The following LURAP1L variants were observed in gnomAD, a reference collection of about 807,000 sequenced individuals.
The protein encoded by LURAP1L is leucine rich adaptor protein 1-like.
LURAP1L carries 12 observed loss-of-function variants against 13.8 expected under a neutral mutation model. That is an observed-to-expected ratio of 0.87 (90% CI 0.56 to 1.41). The LOEUF is 1.41. Ranked by LOEUF, LURAP1L falls within the 40% of genes most tolerant of loss-of-function variation. The probability of loss-of-function intolerance (pLI) is 0.00; values close to 1 mark genes in which losing one functional copy is unlikely to be tolerated. For synonymous variants in LURAP1L, 139 were observed against 119.2 expected (o/e 1.17, Z -1.08); for missense variants, 375 against 292.9 (o/e 1.28, Z -2.04).
rs187088030 is a variant in LURAP1L, at chr9:12,799,716, T to C, written c.313-21670T>C. Among the ~76,000 whole-genome samples, 348 of 152,030 alleles carry C rather than the reference T, an allele frequency of 2.3e-3. 1 individual carries two copies. Among genetic ancestry groups the C allele is most frequent in the African/African-American group, 8.2e-3 (341 of 41,480 alleles). On this transcript the variant is annotated intron_variant, in intron 1 of 1. Transcript: ENST00000319264. Reference sequence around the variant, plus strand: ...TAACATGGTGAAACCTCATCTCTACTAAAAATACAAAAATTAGCCAGGTGG... The same window carrying C: ...TAACATGGTGAAACCTCATCTCTACCAAAAATACAAAAATTAGCCAGGTGG...
chr9:12,799,351 T>A (rs768147260), intron 1 of LURAP1L, among the ~76,000 whole-genome samples: 3 of 152,196 alleles, frequency 2.0e-5, no homozygotes, highest in Non-Finnish European at 4.4e-5. Context: ...CAGTTTTCAA[T>A]GCACATATGT....
intron 1 of LURAP1L, among the ~76,000 whole-genome samples, chr9:12,804,671 T>G (rs1166445102): frequency 1.3e-5 from 2 of 152,056 alleles, no homozygotes; most frequent in African/African-American, 2.4e-5. Flanking sequence ...TCAAAAAAAT[T>G]TTTTTTTAAA....
chr9:12,787,968 C>T (rs1001362525), intron 1 of LURAP1L, among the ~76,000 whole-genome samples: 6 of 151,626 alleles, frequency 4.0e-5, no homozygotes, highest in Non-Finnish European at 8.8e-5. Context: ...AAAAATTAGC[C>T]GGGTGTGGTG....
intron 1 of LURAP1L, among the ~76,000 whole-genome samples, chr9:12,804,549 G>T (rs1327084996): frequency 3.3e-5 from 5 of 151,882 alleles, no homozygotes; most frequent in African/African-American, 9.7e-5. Flanking sequence ...CACTATGTTG[G>T]CCAGGCTGGT....
intron 1 of LURAP1L, chr9:12,814,429 G>T (rs1183210113): frequency 6.6e-6 from 1 of 152,156 alleles, no homozygotes; most frequent in African/African-American, 2.4e-5. Context: ...GATTGCATCA[G>T]CCTAAATTAC....
At chr9:12,819,366 T>C (rs1351171176) in intron 1 of LURAP1L, among the ~76,000 whole-genome samples, 1 of 152,240 alleles carries the variant, frequency 6.6e-6, no homozygotes, top group Non-Finnish European at 1.5e-5. Context: ...TCTCTTGCAG[T>C]TATTAATGGA....
chr9:12,805,583 CA>C, intron 1 of LURAP1L, among the ~76,000 whole-genome samples: 1 of 152,000 alleles, frequency 6.6e-6, no homozygotes, highest in East Asian at 1.9e-4. Context: ...AATAGACACA[CA>C]AAAAATATGG....
chr9:12,798,167 G>C (rs986094314), intron 1 of LURAP1L, among the ~76,000 whole-genome samples: 2 of 152,102 alleles, frequency 1.3e-5, no homozygotes, highest in South Asian at 4.1e-4. Flanking sequence ...TGTAATATTA[G>C]GATAGGGCAG....
At chr9:12,777,342 G>T (rs41314571) in intron 1 of LURAP1L, 24,519 of 985,244 alleles carry the variant, frequency 0.025, 334 homozygotes, top group Middle Eastern at 0.045. Flanking sequence ...GCCTGATACC[G>T]TATCACAAAG....
chr9:12,781,860 T>C (rs1157162874), intron 1 of LURAP1L, among the ~76,000 whole-genome samples: 2 of 152,220 alleles, frequency 1.3e-5, no homozygotes, highest in Non-Finnish European at 2.9e-5. Flanking sequence ...GCTATGCTAA[T>C]GTACATTCCC....
intron 1 of LURAP1L, among the ~76,000 whole-genome samples, chr9:12,792,568 A>G (rs915470185): frequency 2.6e-5 from 4 of 152,106 alleles, no homozygotes; most frequent in Non-Finnish European, 5.9e-5. Context: ...TGTGTCTATT[A>G]ATAATGGCCT....
intron 1 of LURAP1L, among the ~76,000 whole-genome samples, chr9:12,791,647 T>A (rs1819442174): frequency 6.7e-6 from 1 of 148,602 alleles, no homozygotes; most frequent in Non-Finnish European, 1.5e-5. Context: ...CCCGCCCTCC[T>A]CTCTCTCTCC....
chr9:12,807,020 CAAAA>C (rs71329888), intron 1 of LURAP1L, among the ~76,000 whole-genome samples: 4 of 21,884 alleles, frequency 1.8e-4, no homozygotes, highest in African/African-American at 3.4e-4. Flanking sequence ...GACTCCGTCT[CAAAA>C]AAAAAAAAAA....
chr9:12,775,530 C>T lies in LURAP1L; in HGVS notation c.-186C>T, dbSNP rs1019956934. ...ACTGGGAACTGCAGCTGCGACCCCC[C>T]GCGTCCTGTGCGGATTTCAGGGCTG... On this transcript the variant is annotated 5_prime_UTR_variant, in exon 1 of 2. Transcript: ENST00000319264. 2 of 883,638 alleles carry T rather than the reference C, an allele frequency of 2.3e-6. No individual in the cohort carries two copies. Among genetic ancestry groups the T allele is most frequent in the Admixed American group, 3.7e-5 (1 of 27,172 alleles). 54.7% of individuals were successfully genotyped at this position (883,638 alleles called of 1,614,324 possible). A position where few individuals can be genotyped will look rare whatever the true frequency, so the allele number is the denominator to read the frequency against.
intron 1 of LURAP1L, among the ~76,000 whole-genome samples, chr9:12,802,649 G>C (rs981178734): frequency 6.6e-6 from 1 of 152,124 alleles, no homozygotes; most frequent in African/African-American, 2.4e-5. Context: ...CATGAGAGCA[G>C]ACTAATGCAC....
rs1819172619 is a variant in LURAP1L at position 12,775,922 on chromosome 9, GTCGTCCTCCTCT to G, written c.217_228del (p.Ser73_Ser76del). 6.4e-7 allele frequency: 1 copy of G among 1,572,068 alleles called. No homozygotes were observed. Among genetic ancestry groups the G allele is most frequent in the Non-Finnish European group, 8.6e-7 (1 of 1,158,810 alleles). ...GCTACTGCAGCTTCCCTCCCTCCTT[GTCGTCCTCCTCT>G]TCGTCCTCCCCAACCTCTGGCTCCC... is the stretch of plus-strand genomic sequence containing the variant. On this transcript the variant is annotated inframe_deletion, in exon 1 of 2. Coordinates refer to ENST00000319264, the MANE Select transcript of LURAP1L (RefSeq NM_203403.2).
chr9:12,820,301 G>C (rs941370915), intron 1 of LURAP1L, among the ~76,000 whole-genome samples: 8 of 151,904 alleles, frequency 5.3e-5, no homozygotes, highest in African/African-American at 1.9e-4. Context: ...TCAAGAGTTT[G>C]AGACCATCCT....
chr9:12,817,853 C>G (rs573382477), intron 1 of LURAP1L, among the ~76,000 whole-genome samples: 1 of 152,196 alleles, frequency 6.6e-6, no homozygotes, highest in Admixed American at 6.5e-5. Flanking sequence ...GGTAGCATAA[C>G]TGCACCTTGG....
chr9:12,818,385 G>A (rs901358912), intron 1 of LURAP1L, among the ~76,000 whole-genome samples: 1 of 152,148 alleles, frequency 6.6e-6, no homozygotes, highest in South Asian at 2.1e-4. Flanking sequence ...AACTTTCACA[G>A]TTCCTAAAAT....
Sources: allele counts gnomAD v4.1 joint callset (sites outside exome capture counted in the v4.1 genomes callset), GRCh38; gene constraint gnomAD v4.1.1; transcripts MANE v1.5; gene names NCBI Gene and HGNC (gene_info 2026-07-23, HGNC 2026-07-21).